IDO2: variants seen among roughly 807,000 people sequenced by gnomAD.
IDO2 encodes indoleamine 2,3-dioxygenase 2.
A neutral mutation model predicts 45.1 loss-of-function variants in IDO2; 46 were observed. The observed-to-expected ratio is 1.02, with a 90% CI of 0.80 to 1.30. The LOEUF is 1.30. Ranked by LOEUF, IDO2 falls within the 50% of genes most tolerant of loss-of-function variation. The pLI is 0.00. For synonymous variants in IDO2, 218 were observed against 184.9 expected (o/e 1.18, Z -1.45); for missense variants, 544 against 491.8 (o/e 1.11, Z -1.00).
chr8:39,960,531 G>T (rs1359067170), intron 2 of IDO2, among the ~76,000 whole-genome samples: 1 of 152,094 alleles, frequency 6.6e-6, no homozygotes, highest in Non-Finnish European at 1.5e-5. Flanking sequence ...ACTGCCTTAT[G>T]GCTCTCCTTC....
At chr8:39,953,544 T>C (rs1201567105) in intron 2 of IDO2, among the ~76,000 whole-genome samples, 1 of 152,152 alleles carries the variant, frequency 6.6e-6, no homozygotes. Context: ...TTTTACTTCA[T>C]ATTTATTTTT....
rs146288679 is a variant in IDO2, at chr8:39,977,224, A to G, written c.196-1843A>G. On this transcript the variant is annotated intron_variant, in intron 3 of 10. Coordinates refer to ENST00000502986, the Ensembl canonical transcript of IDO2. Reference sequence around the variant, plus strand: ...ATATAAGTAGTTAAGACAGTGAAAGATATTTGAATTGATGATAAACAGGCA... The same window carrying G: ...ATATAAGTAGTTAAGACAGTGAAAGGTATTTGAATTGATGATAAACAGGCA... Among the ~76,000 whole-genome samples, 51 of 152,340 alleles carry G rather than the reference A, an allele frequency of 3.3e-4. 1 individual carries two copies. The highest frequency in any genetic ancestry group is 1.1e-3 in the African/African-American group (46 of 41,574).
chr8:39,955,445 G>A (rs913574392), intron 2 of IDO2, among the ~76,000 whole-genome samples: 2 of 151,712 alleles, frequency 1.3e-5, no homozygotes, highest in Admixed American at 6.6e-5. Flanking sequence ...TAGTAGAGAT[G>A]GGGTTTCACT....
chr8:39,961,458 G>A (rs1393363641), intron 2 of IDO2, among the ~76,000 whole-genome samples: 1 of 151,550 alleles, frequency 6.6e-6, no homozygotes, highest in Non-Finnish European at 1.5e-5. Flanking sequence ...GAGTAGCTGG[G>A]ATTACAGGCA....
At chr8:40,008,868 G>T (rs902191617) in intron 9 of IDO2, among the ~76,000 whole-genome samples, 1 of 152,212 alleles carries the variant, frequency 6.6e-6, no homozygotes, top group Admixed American at 6.5e-5. Flanking sequence ...TAAGTGGCCA[G>T]TACCGAATCC....
At chr8:39,973,533 C>A (rs1246319350) in intron 3 of IDO2, among the ~76,000 whole-genome samples, 1 of 151,888 alleles carries the variant, frequency 6.6e-6, no homozygotes, top group Non-Finnish European at 1.5e-5. Context: ...TCATTATAAT[C>A]ATTGACAATG....
chr8:39,954,639 G>GTC (rs1263437227), intron 2 of IDO2, among the ~76,000 whole-genome samples: 17 of 140,146 alleles, frequency 1.2e-4, no homozygotes, highest in South Asian at 2.3e-4. Context: ...AATTCCCTAT[G>GTC]TCTCTCTCTC....
chr8:39,949,185 AT>A lies in IDO2; in HGVS notation c.21del (p.Asn7LysfsTer2). The A allele has an allele frequency of 6.2e-7, 1 of 1,608,572 alleles. No homozygotes were observed. Among genetic ancestry groups the A allele is most frequent in the South Asian group, 1.1e-5 (1 of 89,772 alleles). On this transcript the variant is annotated frameshift_variant, in exon 2 of 11. Transcript: ENST00000502986. LOFTEE classifies it high-confidence loss of function. ...AAAATAATGGAGCCCCACAGACCGA[AT>A]GTGAAGACAGCAGTGCCATTGTCTT... is the stretch of plus-strand genomic sequence containing the variant.
At chr8:40,001,023 C>A (rs750478771) in intron 8 of IDO2, among the ~76,000 whole-genome samples, 1 of 152,044 alleles carries the variant, frequency 6.6e-6, no homozygotes, top group Non-Finnish European at 1.5e-5. Context: ...GAAACAAGGT[C>A]TCGCTACATG....
chr8:39,999,243 A>G (rs1261515873), intron 8 of IDO2, among the ~76,000 whole-genome samples: 1 of 146,752 alleles, frequency 6.8e-6, no homozygotes, highest in African/African-American at 2.5e-5. Context: ...TGGGTTGCTC[A>G]ATTTATTGGC....
intron 9 of IDO2, among the ~76,000 whole-genome samples, chr8:40,010,302 T>C (rs1280129937): frequency 1.3e-5 from 2 of 151,996 alleles, no homozygotes; most frequent in Non-Finnish European, 2.9e-5. Flanking sequence ...TGGGAGCGTG[T>C]TGGTCGTGGT....
intron 5 of IDO2, among the ~76,000 whole-genome samples, chr8:39,983,903 G>A (rs1177810402): frequency 2.0e-5 from 3 of 151,718 alleles, no homozygotes; most frequent in Non-Finnish European, 2.9e-5. Flanking sequence ...AGTGAGATTC[G>A]GCCATCTCAT....
At chr8:39,943,329 C>T (rs1807676141) in intron 1 of IDO2, among the ~76,000 whole-genome samples, 1 of 152,080 alleles carries the variant, frequency 6.6e-6, no homozygotes, top group Non-Finnish European at 1.5e-5. Context: ...CGAGATTGTG[C>T]CACTGTACTC....
At chr8:39,964,366 C>A (rs1483345371) in intron 3 of IDO2, among the ~76,000 whole-genome samples, 2 of 152,200 alleles carry the variant, frequency 1.3e-5, no homozygotes, top group African/African-American at 4.8e-5. Flanking sequence ...TCTGGTCTCA[C>A]AGTATTGTTA....
intron 3 of IDO2, among the ~76,000 whole-genome samples, chr8:39,975,159 GT>G (rs368341548): frequency 0.64 from 90,545 of 142,398 alleles, 28,854 homozygotes; most frequent in South Asian, 0.75. Context: ...CAACATTGGA[GT>G]TTTTTTTTTT....
chr8:39,971,628 A>G lies in IDO2; in HGVS notation c.196-7439A>G, dbSNP rs371448347. Among the ~76,000 whole-genome samples the G allele has an allele frequency of 5.3e-5, 8 of 152,316 alleles. No homozygotes were observed. In the East Asian group the frequency reaches 1.5e-3, roughly 29 times the overall value. On this transcript the variant is annotated intron_variant, in intron 3 of 10. Coordinates refer to ENST00000502986, the Ensembl canonical transcript of IDO2. ...TAAAAGCATTCATGATTCATGGAGGACGTCAAAATAAAAACATTAATAGGA... is the reference window on the plus strand; with the variant it reads ...TAAAAGCATTCATGATTCATGGAGGGCGTCAAAATAAAAACATTAATAGGA...
At chr8:40,016,254 GA>G (rs1415339005) in exon 11 of IDO2, 1 of 398,042 alleles carries the variant, frequency 2.5e-6, no homozygotes, top group Non-Finnish European at 4.4e-6. Flanking sequence ...ATTTTTAGAA[GA>G]ATTATTCTCT....
At chr8:39,961,101 T>C (rs983871821) in intron 2 of IDO2, among the ~76,000 whole-genome samples, 1 of 152,182 alleles carries the variant, frequency 6.6e-6, no homozygotes, top group Non-Finnish European at 1.5e-5. Context: ...TTGACTTTTA[T>C]AGGGTCATTC....
chr8:39,978,618 G>A (rs1179758471), intron 3 of IDO2, among the ~76,000 whole-genome samples: 2 of 152,084 alleles, frequency 1.3e-5, no homozygotes, highest in African/African-American at 4.8e-5. Flanking sequence ...GATAGAGAGA[G>A]GAACACCCAC....
Sources: allele counts gnomAD v4.1 joint callset (sites outside exome capture counted in the v4.1 genomes callset), GRCh38; gene constraint gnomAD v4.1.1; transcripts MANE v1.5; gene names NCBI Gene and HGNC (gene_info 2026-07-23, HGNC 2026-07-21).